The following ARHGEF12 variants were observed in gnomAD, a reference collection of about 807,000 sequenced individuals.
The protein encoded by ARHGEF12 is KMT2A/ARHGEF12 fusion protein.
In ARHGEF12, 66 loss-of-function variants were observed where a neutral mutation model predicts 211.2. The observed-to-expected ratio is 0.31, with a 90% CI of 0.26 to 0.38. ARHGEF12 has a LOEUF of 0.38. Ranked by LOEUF, ARHGEF12 falls within the 10% of genes least tolerant of loss-of-function variation. The pLI, the probability that ARHGEF12 is intolerant of heterozygous loss-of-function variation, is 1.00. For synonymous variants in ARHGEF12, 592 were observed against 638.4 expected, an observed-to-expected ratio of 0.93 and a Z score of 1.09; for missense variants, 1,429 against 1,869.5, an observed-to-expected ratio of 0.76 and a Z score of 4.34.
intron 1 of ARHGEF12, among the ~76,000 whole-genome samples, chr11:120,351,271 C>T (rs1404752739): frequency 4.0e-5 from 5 of 125,522 alleles, no homozygotes; most frequent in East Asian, 2.5e-4. Context: ...GGCATGAACC[C>T]GGGAGGCGGA....
At chr11:120,465,138 C>G in intron 27 of ARHGEF12, 99 bp from the exon 28 acceptor site, 2 of 1,486,322 alleles carry the variant, frequency 1.3e-6, no homozygotes, top group South Asian at 2.4e-5. Context: ...TATTTTGTCA[C>G]TTGAAATATT....
rs980984140 is a variant in ARHGEF12 at position 120,451,816 on chromosome 11, T to G, written c.2056+92T>G. The G allele has an allele frequency of 8.7e-6, 10 of 1,145,440 alleles. No individual in the cohort carries two copies. The East Asian group carries it at 2.6e-4, about 29-fold the overall frequency. The allele number at this position is 1,145,440 out of a possible 1,614,324, so 71.0% of individuals were successfully genotyped here. A position where few individuals can be genotyped will look rare whatever the true frequency, so the allele number is the denominator to read the frequency against. On this transcript the variant is annotated intron_variant, in intron 22 of 40. Transcript: ENST00000397843. The stretch of plus-strand genomic sequence containing the variant: ...AATAGAGTGGCAAGTTAATCAAGAC[T>G]AAATCCCAGTTTAATTTAATTTTGA...
intron 1 of ARHGEF12, among the ~76,000 whole-genome samples, chr11:120,388,516 TA>T (rs2135485138): frequency 6.6e-6 from 1 of 152,322 alleles, no homozygotes; most frequent in African/African-American, 2.4e-5. Context: ...ATGGTAGGTA[TA>T]TATTTTAACT....
In ARHGEF12 at chr11:120,488,150, G is replaced by A; in HGVS notation, c.*3073G>A. 1 of 216,618 alleles carries A rather than the reference G, an allele frequency of 4.6e-6. No homozygotes were observed. The highest frequency in any genetic ancestry group is 6.8e-5 in the East Asian group (1 of 14,610). The allele number at this position is 216,618 out of a possible 1,614,324, so 13.4% of individuals were successfully genotyped here. A position where few individuals can be genotyped will look rare whatever the true frequency, so the allele number is the denominator to read the frequency against. Reference sequence around the variant, plus strand: ...AAATTATTTTTAGAAGCTAAAGAAAGTAATTATGCTTCCTGTGAATTGTCT... The same window carrying A: ...AAATTATTTTTAGAAGCTAAAGAAAATAATTATGCTTCCTGTGAATTGTCT... On this transcript the variant is annotated 3_prime_UTR_variant, in exon 41 of 41. Transcript: ENST00000397843.
At chr11:120,435,075 T>A (rs1382506797) in intron 11 of ARHGEF12, among the ~76,000 whole-genome samples, 1 of 152,224 alleles carries the variant, frequency 6.6e-6, no homozygotes, top group Admixed American at 6.5e-5. Flanking sequence ...ATTACCTTGT[T>A]TTATAATGAT....
At chr11:120,441,242 T>C (rs1033158830) in intron 13 of ARHGEF12, among the ~76,000 whole-genome samples, 5 of 152,134 alleles carry the variant, frequency 3.3e-5, no homozygotes, top group African/African-American at 4.8e-5. Context: ...TACATTATTA[T>C]TGTTTTCTGT....
At chr11:120,353,561 C>T (rs561417476) in intron 1 of ARHGEF12, among the ~76,000 whole-genome samples, 9 of 152,210 alleles carry the variant, frequency 5.9e-5, no homozygotes, top group Non-Finnish European at 1.3e-4. Flanking sequence ...CCTGATCTCG[C>T]TGTCTAGTCT....
intron 31 of ARHGEF12, 43 bp from the exon 32 acceptor site, chr11:120,474,517 G>A (rs900229332): frequency 2.1e-6 from 3 of 1,420,770 alleles, no homozygotes; most frequent in Non-Finnish European, 3.0e-6. Flanking sequence ...ATGTTACTGA[G>A]TGCTTGGAAA....
At chr11:120,476,878 G>A (rs911883907) in intron 34 of ARHGEF12, 130 bp downstream of exon 34, 10 of 670,696 alleles carry the variant, frequency 1.5e-5, no homozygotes, top group African/African-American at 9.1e-5. Flanking sequence ...TTTTAGAGAC[G>A]TTCTACTATG....
chr11:120,366,883 G>T (rs1361456084), intron 1 of ARHGEF12, among the ~76,000 whole-genome samples: 2 of 152,150 alleles, frequency 1.3e-5, no homozygotes, highest in African/African-American at 4.8e-5. Context: ...GGGCGTGGTG[G>T]CACACGCCTG....
chr11:120,484,340 C>T (rs1377012338), intron 39 of ARHGEF12, 98 bp from the exon 40 acceptor site: 7 of 1,013,334 alleles, frequency 6.9e-6, no homozygotes, highest in Non-Finnish European at 1.0e-5. Flanking sequence ...GGGCTTGTAC[C>T]TGTAATGTAA....
chr11:120,440,005 GAAAT>G (rs1221126538), intron 12 of ARHGEF12, 120 bp from the exon 13 acceptor site: 1 of 713,644 alleles, frequency 1.4e-6, no homozygotes, highest in African/African-American at 1.8e-5. Flanking sequence ...TACTTCAAAG[GAAAT>G]AAACAAAAAG....
At chr11:120,477,815 C>T (rs1371669221) in intron 36 of ARHGEF12, among the ~76,000 whole-genome samples, 1 of 145,220 alleles carries the variant, frequency 6.9e-6, no homozygotes, top group African/African-American at 2.6e-5. Context: ...TACGGTGAGC[C>T]GAGATCGTGC....
chr11:120,341,337 C>T (rs1942530669), intron 1 of ARHGEF12, among the ~76,000 whole-genome samples: 1 of 152,216 alleles, frequency 6.6e-6, no homozygotes, highest in Admixed American at 6.5e-5. Context: ...GGATTACAGG[C>T]TTGAGCCACC....
chr11:120,442,041 C>A, intron 14 of ARHGEF12, 63 bp from the exon 15 acceptor site: 1 of 1,214,236 alleles, frequency 8.2e-7, no homozygotes, highest in South Asian at 1.4e-5. Context: ...TCAATGGTGA[C>A]CTAGCAAATT....
In ARHGEF12 at chr11:120,477,635, T is replaced by G. The variant is rs534110668; in HGVS notation, c.3532+109T>G. ...ATCCCAGTGCTTTGGGAGGTCGAGA[T>G]AGGCGTATCACCTGAGGCCAGGAGT... is the stretch of plus-strand genomic sequence containing the variant. On this transcript the variant is annotated intron_variant, in intron 36 of 40. Coordinates refer to ENST00000397843, the MANE Select transcript of ARHGEF12 (RefSeq NM_015313.3). 17 of 989,312 alleles carry G rather than the reference T, an allele frequency of 1.7e-5. No individual in the cohort carries two copies. In the Admixed American group the frequency reaches 3.0e-4, roughly 17 times the overall value. 61.3% of individuals were successfully genotyped at this position (989,312 alleles called of 1,614,324 possible).
intron 1 of ARHGEF12, among the ~76,000 whole-genome samples, chr11:120,346,673 A>T (rs1942733264): frequency 1.3e-5 from 2 of 152,372 alleles, no homozygotes; most frequent in South Asian, 4.1e-4. Context: ...TGCTTGTTAA[A>T]TGGGTTATTT....
chr11:120,387,239 G>A (rs1255141301), intron 1 of ARHGEF12, among the ~76,000 whole-genome samples: 2 of 151,902 alleles, frequency 1.3e-5, no homozygotes, highest in Admixed American at 6.5e-5. Context: ...GTTGGATTGT[G>A]TGTGGTGGGG....
chr11:120,473,339 TATTACA>T (rs1365142147), intron 31 of ARHGEF12, among the ~76,000 whole-genome samples: 1 of 152,202 alleles, frequency 6.6e-6, no homozygotes, highest in African/African-American at 2.4e-5. Context: ...AAAACTGTAA[TATTACA>T]TGACAGCAAT....
Sources: allele counts gnomAD v4.1 joint callset (sites outside exome capture counted in the v4.1 genomes callset), GRCh38; gene constraint gnomAD v4.1.1; transcripts MANE v1.5; gene names NCBI Gene and HGNC (gene_info 2026-07-23, HGNC 2026-07-21).